Variants in HROB observed in about 807,000 individuals in gnomAD.
HROB encodes homologous recombination factor with OB-fold.
In HROB, 44 loss-of-function variants were observed where a neutral mutation model predicts 61.0. That is an observed-to-expected ratio of 0.72 (90% CI 0.57 to 0.93). The LOEUF is 0.93. Ranked by LOEUF, HROB falls within the 40% of genes least tolerant of loss-of-function variation. The pLI, the probability that HROB is intolerant of heterozygous loss-of-function variation, is 0.00. For synonymous variants in HROB, 301 were observed against 310.4 expected (o/e 0.97, Z 0.32); for missense variants, 716 against 796.2 (o/e 0.90, Z 1.21).
intron 8 of HROB, 151 bp downstream of exon 8, chr17:44,155,562 C>T: frequency 8.0e-7 from 1 of 1,255,178 alleles, no homozygotes; most frequent in South Asian, 1.6e-5. Context: ...AGGACCATCT[C>T]CTATCCCTCA....
intron 1 of HROB, 102 bp downstream of exon 1, chr17:44,142,247 C>T (rs2053466987): frequency 8.2e-6 from 11 of 1,347,674 alleles, no homozygotes; most frequent in Admixed American, 3.3e-5. Flanking sequence ...GTTGCAGGAC[C>T]GGGGTCTGGG....
chr17:44,141,951 G>C lies in HROB; in HGVS notation c.-192G>C. ...CCCCAGTGGCGGCGTCTTCGAATGCGGCCTAAGGCGCCTGCCGCCAGTCTC... is the reference window on the plus strand; with the variant it reads ...CCCCAGTGGCGGCGTCTTCGAATGCCGCCTAAGGCGCCTGCCGCCAGTCTC... On this transcript the variant is annotated 5_prime_UTR_variant, in exon 1 of 10. Coordinates refer to ENST00000585683, the MANE Select transcript of HROB (RefSeq NM_001171251.3). 1.4e-6 allele frequency: 1 copy of C among 690,182 alleles called. No individual in the cohort carries two copies. Among genetic ancestry groups the C allele is most frequent in the Non-Finnish European group, 2.3e-6 (1 of 440,910 alleles). 42.8% of individuals were successfully genotyped at this position (690,182 alleles called of 1,614,324 possible). A position where few individuals can be genotyped will look rare whatever the true frequency, so the allele number is the denominator to read the frequency against.
chr17:44,143,162 T>C (rs2053507647), intron 1 of HROB, among the ~76,000 whole-genome samples: 1 of 152,072 alleles, frequency 6.6e-6, no homozygotes, highest in Non-Finnish European at 1.5e-5. Context: ...GTTCTTGAAC[T>C]CCTGGCCTCA....
chr17:44,157,405 CTTTTTTTTTTTTTTTTT>C (rs71160088), intron 8 of HROB, among the ~76,000 whole-genome samples: 1 of 81,478 alleles, frequency 1.2e-5, no homozygotes, highest in Non-Finnish European at 2.3e-5. Context: ...CATCATGTTT[CTTTTTTTTTTTTTTTTT>C]TTTTTTTTGG....
chr17:44,161,210 A>AC (rs2054130993), intron 9 of HROB, among the ~76,000 whole-genome samples: 1 of 151,938 alleles, frequency 6.6e-6, no homozygotes, highest in East Asian at 1.9e-4. Context: ...CTCAAAAAAA[A>AC]AAAAAAAGTT....
intron 8 of HROB, among the ~76,000 whole-genome samples, chr17:44,156,823 C>T (rs761557662): frequency 3.3e-5 from 5 of 151,880 alleles, no homozygotes; most frequent in African/African-American, 9.7e-5. Flanking sequence ...CCACCACACT[C>T]GGCTACTTTT....
intron 2 of HROB, 89 bp from the exon 3 acceptor site, chr17:44,147,769 C>G: frequency 7.7e-7 from 1 of 1,297,050 alleles, no homozygotes; most frequent in Non-Finnish European, 1.1e-6. Flanking sequence ...TATCTACACA[C>G]AAACATACAC....
rs751393198 is a variant in HROB, at chr17:44,155,428, G to T, written c.1770+17G>T. On this transcript the variant is annotated intron_variant, in intron 8 of 9. Transcript: ENST00000585683. ...TTCCCCAAGGTAAGAGGAGCAGGAA[G>T]AAACGGGAGACTGGTAAGGCCCTCC... The T allele has an allele frequency of 7.4e-6, 12 of 1,613,204 alleles. No individual in the cohort carries two copies. In the South Asian group the frequency reaches 9.9e-5, roughly 13 times the overall value.
chr17:44,161,798 A>C (rs763478577), intron 9 of HROB, 73 bp from the exon 10 acceptor site: 1 of 1,533,202 alleles, frequency 6.5e-7, no homozygotes, highest in Non-Finnish European at 9.0e-7. Flanking sequence ...CCTGAAGGGC[A>C]GAAACTTTGG....
chr17:44,150,816 C>T, intron 3 of HROB, 145 bp from the exon 4 acceptor site: 3 of 673,414 alleles, frequency 4.5e-6, no homozygotes, highest in Non-Finnish European at 7.6e-6. Flanking sequence ...CAAAGAGGCT[C>T]CTGAGACTTT....
At position 44,157,950 on chromosome 17, in the gene HROB, G is replaced by A; in HGVS notation, c.1879+9G>A. On this transcript the variant is annotated intron_variant, in intron 9 of 9. Coordinates refer to ENST00000585683, the MANE Select transcript of HROB (RefSeq NM_001171251.3). ...AGAACTCCCAGAAGCAGGTAAAGCA[G>A]TCAGCCCATCTGGGAGCAAGAGAGG... 3 of 1,604,066 alleles carry A rather than the reference G, an allele frequency of 1.9e-6. No homozygotes were observed. The highest frequency in any genetic ancestry group is 1.3e-5 in the African/African-American group (1 of 74,840).
At position 44,155,350 on chromosome 17, in the gene HROB, A is replaced by G. The variant is rs1311128271; in HGVS notation, c.1709A>G (p.His570Arg). 6.2e-7 allele frequency: 1 copy of G among 1,614,144 alleles called. No homozygotes were observed. Among genetic ancestry groups the G allele is most frequent in the Non-Finnish European group, 8.5e-7 (1 of 1,180,026 alleles). Residue 570 changes from histidine (H) to arginine (R), a missense_variant, in exon 8 of 10, where the codon CAT becomes CGT. Physicochemically the swap from His to Arg is conservative, Grantham distance 29. Transcript: ENST00000585683. ...YLNVTPNNLV[H>R]IYSPDSGDGS... The stretch of plus-strand genomic sequence containing the variant: ...AACGTGACACCCAACAACCTGGTCC[A>G]TATTTACAGCCCGGATTCTGGGGAT...
chr17:44,153,027 G>A (rs547835508), intron 5 of HROB, among the ~76,000 whole-genome samples: 1 of 152,270 alleles, frequency 6.6e-6, no homozygotes, highest in African/African-American at 2.4e-5. Context: ...GGTGGGGTGG[G>A]GTGAGCACAC....
intron 8 of HROB, among the ~76,000 whole-genome samples, chr17:44,157,545 C>T (rs1486443933): frequency 1.3e-5 from 2 of 151,630 alleles, no homozygotes; most frequent in Non-Finnish European, 2.9e-5. Flanking sequence ...TCCCGAGTAG[C>T]TAGGATTACA....
At chr17:44,145,099 C>A in intron 1 of HROB, 104 bp from the exon 2 acceptor site, 2 of 1,288,672 alleles carry the variant, frequency 1.6e-6, no homozygotes, top group Non-Finnish European at 2.2e-6. Flanking sequence ...AAACAAAAAA[C>A]AATATACCTG....
chr17:44,143,431 C>T (rs889124290), intron 1 of HROB, among the ~76,000 whole-genome samples: 1 of 152,014 alleles, frequency 6.6e-6, no homozygotes, highest in African/African-American at 2.4e-5. Context: ...ATCACAAGGT[C>T]AGGAGTTCAA....
rs1292971381 is a variant in HROB at position 44,161,859 on chromosome 17, C to T, written c.1880-12C>T. 21 of 1,613,318 alleles carry T rather than the reference C, an allele frequency of 1.3e-5. No homozygotes were observed. The highest frequency in any genetic ancestry group is 1.8e-5 in the Non-Finnish European group (21 of 1,179,446). On this transcript the variant is annotated splice_polypyrimidine_tract_variant and intron_variant, in intron 9 of 9. Transcript: ENST00000585683. ...TTGTCACTAAGGCTACCCATCATTC[C>T]CCTCTCTGTAGATGACCTGGATGGA...
At chr17:44,153,279 C>G (rs1469364688) in intron 5 of HROB, among the ~76,000 whole-genome samples, 4 of 150,456 alleles carry the variant, frequency 2.7e-5, no homozygotes, top group African/African-American at 9.8e-5. Flanking sequence ...GACCCTGTCT[C>G]TACAAAAAAA....
chr17:44,154,550 A>C lies in HROB; in HGVS notation c.1450-6A>C. 1 of 1,613,972 alleles carries C rather than the reference A, an allele frequency of 6.2e-7. No homozygotes were observed. The highest frequency in any genetic ancestry group is 8.5e-7 in the Non-Finnish European group (1 of 1,179,926). ...AGGCTCAGCATATGCCTCTCCTTGT[A>C]AGCAGGCAGCCCTGAAGCAGCTTCC... is the stretch of plus-strand genomic sequence containing the variant. On this transcript the variant is annotated splice_polypyrimidine_tract_variant and splice_region_variant and intron_variant, in intron 5 of 9. Coordinates refer to ENST00000585683, the MANE Select transcript of HROB (RefSeq NM_001171251.3).
Sources: allele counts gnomAD v4.1 joint callset (sites outside exome capture counted in the v4.1 genomes callset), GRCh38; gene constraint gnomAD v4.1.1; transcripts MANE v1.5; gene names NCBI Gene and HGNC (gene_info 2026-07-23, HGNC 2026-07-21).